The following SFT2D2 variants were observed in gnomAD, a reference collection of about 807,000 sequenced individuals.
SFT2D2 encodes the protein vesicle transport protein SFT2B.
In SFT2D2, 21 loss-of-function variants were observed where a neutral mutation model predicts 27.4. The ratio of observed to expected loss-of-function variants is 0.77; its 90% confidence interval spans 0.54 to 1.10. SFT2D2 has a LOEUF of 1.10. Among genes scored for constraint, SFT2D2 ranks in the 50% least tolerant of loss-of-function variants. The pLI is 0.00. For synonymous variants in SFT2D2, 72 were observed against 71.7 expected (o/e 1.00, Z -0.02); for missense variants, 187 against 194.2 (o/e 0.96, Z 0.22).
chr1:168,231,892 C>T lies in SFT2D2; in HGVS notation c.209C>T (p.Thr70Ile). 4 of 1,614,040 alleles carry T rather than the reference C, an allele frequency of 2.5e-6. No homozygotes were observed. The highest frequency in any genetic ancestry group is 3.4e-6 in the Non-Finnish European group (4 of 1,179,994). The part of the protein sequence containing the change: ...KGLHLFAVFY[T>I]FGNIASIGST... ...CTACACCTCTTCGCAGTGTTTTATA[C>T]CTTTGGTAATATCGCATCAATTGGG... is the stretch of plus-strand genomic sequence containing the variant. Residue 70 changes from threonine to isoleucine, a missense_variant, in exon 3 of 8, where the codon ACC becomes ATC. Physicochemically the swap from Thr to Ile is moderately conservative, Grantham distance 89. Coordinates refer to ENST00000271375, the MANE Select transcript of SFT2D2 (RefSeq NM_199344.3).
chr1:168,238,377 C>T (rs1647560946), intron 6 of SFT2D2, among the ~76,000 whole-genome samples: 2 of 151,606 alleles, frequency 1.3e-5, no homozygotes, highest in African/African-American at 4.9e-5. Flanking sequence ...TCAACTGTGC[C>T]AGGTATGGGT....
rs199565250 is a variant in SFT2D2, at chr1:168,239,164, A to C, written c.443+4A>C. 8.1e-6 allele frequency: 13 copies of C among 1,599,334 alleles called. No individual in the cohort carries two copies. The highest frequency in any genetic ancestry group is 1.1e-5 in the Non-Finnish European group (13 of 1,166,966). ...TTTCCTTCATACCATTTGCAAGGTAAGACTGTGTATTTGGAAATAATGATT... is the reference window on the plus strand; with the variant it reads ...TTTCCTTCATACCATTTGCAAGGTACGACTGTGTATTTGGAAATAATGATT... On this transcript the variant is annotated splice_donor_region_variant and intron_variant, in intron 7 of 7. Coordinates refer to ENST00000271375, the MANE Select transcript of SFT2D2 (RefSeq NM_199344.3).
In SFT2D2 at chr1:168,249,334, C is replaced by G. The variant is rs868152552; in HGVS notation, c.*6794C>G. ...CACTGCAACCTCTGCCTTCTGGGTT[C>G]AAGTGATTCTTGTGCCTCAGCCTCC... On this transcript the variant is annotated 3_prime_UTR_variant, in exon 8 of 8. Transcript: ENST00000271375. 6.6e-6 allele frequency: 1 copy of G among 152,280 alleles called. No homozygotes were observed. The highest frequency in any genetic ancestry group is 2.4e-5 in the African/African-American group (1 of 41,452). The allele number at this position is 152,280 out of a possible 1,614,324, so 9.4% of individuals were successfully genotyped here.
At position 168,248,130 on chromosome 1, in the gene SFT2D2, C is replaced by G. The variant is rs1392395939; in HGVS notation, c.*5590C>G. ...CCATTCTGTAGGTTGCCTGTTCACT[C>G]TGATGATAGTTTCTTTTGCTGTGCA... is the stretch of plus-strand genomic sequence containing the variant. On this transcript the variant is annotated 3_prime_UTR_variant, in exon 8 of 8. Coordinates refer to ENST00000271375, the MANE Select transcript of SFT2D2 (RefSeq NM_199344.3). 1 of 152,196 alleles carries G rather than the reference C, an allele frequency of 6.6e-6. No homozygotes were observed. The highest frequency in any genetic ancestry group is 1.5e-5 in the Non-Finnish European group (1 of 68,034). The allele number at this position is 152,196 out of a possible 1,614,324, so 9.4% of individuals were successfully genotyped here.
rs1647977013 is a variant in SFT2D2, at chr1:168,252,752, TTAAAACATGAATCCATTTTTG to T, written c.*10216_*10236del. ...ATGTTTGAGCTTTTAAAATACGTTG[TTAAAACATGAATCCATTTTTG>T]TAATTGTATAAATACTCATAACTAA... On this transcript the variant is annotated 3_prime_UTR_variant, in exon 8 of 8. Transcript: ENST00000271375. 1.3e-5 allele frequency: 2 copies of T among 152,234 alleles called. No individual in the cohort carries two copies. The highest frequency in any genetic ancestry group is 2.9e-5 in the Non-Finnish European group (2 of 68,048). The allele number at this position is 152,234 out of a possible 1,614,324, so 9.4% of individuals were successfully genotyped here. A position where few individuals can be genotyped will look rare whatever the true frequency, so the allele number is the denominator to read the frequency against.
Position 168,246,374 on chromosome 1 carries a change from G to C in SFT2D2, c.*3834G>C. ...GACATAATCTTACTTGCTTTTCTGTGCATTTTTCTACTTTATCTTGGCCAC... is the reference window on the plus strand; with the variant it reads ...GACATAATCTTACTTGCTTTTCTGTCCATTTTTCTACTTTATCTTGGCCAC... On this transcript the variant is annotated 3_prime_UTR_variant, in exon 8 of 8. Transcript: ENST00000271375. The C allele has an allele frequency of 1.7e-6, 1 of 571,980 alleles. No homozygotes were observed. The highest frequency in any genetic ancestry group is 2.0e-5 in the South Asian group (1 of 50,144). The allele number at this position is 571,980 out of a possible 1,614,324, so 35.4% of individuals were successfully genotyped here.
rs1480481618 is a variant in SFT2D2, at chr1:168,236,758, T to G, written c.401T>G (p.Leu134Trp). Residue 134 changes from leucine (L) to tryptophan (W), a missense_variant, in exon 6 of 8, where the codon TTG becomes TGG. By Grantham distance (61) the Leu-to-Trp change is moderately conservative. Coordinates refer to ENST00000271375, the MANE Select transcript of SFT2D2 (RefSeq NM_199344.3). ...LALIFCILQS[L>W]ALTWYSLSFI... ...CTTATCTTCTGCATTTTGCAGTCTT[T>G]GGCATTGACGTGGTAAGTAACCTTT... 1 of 1,614,234 alleles carries G rather than the reference T, an allele frequency of 6.2e-7. No individual in the cohort carries two copies. The highest frequency in any genetic ancestry group is 1.7e-5 in the Admixed American group (1 of 60,028).
intron 7 of SFT2D2, among the ~76,000 whole-genome samples, chr1:168,240,769 G>A (rs1470977057): frequency 6.6e-6 from 1 of 151,976 alleles, no homozygotes; most frequent in Non-Finnish European, 1.5e-5. Flanking sequence ...AAAATTAACC[G>A]AGCGTGGTGG....
rs1647521647 is a variant in SFT2D2, at chr1:168,236,999, T to C, written c.413+229T>C. On this transcript the variant is annotated intron_variant, in intron 6 of 7. Transcript: ENST00000271375. ...TCTTGAGTGGTCACAGGAGGCTCCT[T>C]GTTTGCCTGCTGTGGCATTTTTGCT... Among the ~76,000 whole-genome samples the C allele has an allele frequency of 2.0e-5, 3 of 152,318 alleles. No individual in the cohort carries two copies. The South Asian group carries it at 6.2e-4, about 32-fold the overall frequency.
intron 1 of SFT2D2, among the ~76,000 whole-genome samples, chr1:168,229,357 T>C (rs1700490421): frequency 6.6e-6 from 1 of 152,224 alleles, no homozygotes; most frequent in South Asian, 2.1e-4. Context: ...GTTGAGGTTA[T>C]TTAGCAATCT....
Position 168,244,023 on chromosome 1 carries a change from G to C in SFT2D2, c.*1483G>C, listed in dbSNP as rs1239438440. 6.6e-6 allele frequency: 1 copy of C among 152,270 alleles called. No homozygotes were observed. The allele number at this position is 152,270 out of a possible 1,614,324, so 9.4% of individuals were successfully genotyped here. Reference sequence around the variant, plus strand: ...CCTACAAATGACGTTTATCTGGATTGCCTTTCTGTTCTTTGCACAGGGCCA... The same window carrying C: ...CCTACAAATGACGTTTATCTGGATTCCCTTTCTGTTCTTTGCACAGGGCCA... On this transcript the variant is annotated 3_prime_UTR_variant, in exon 8 of 8. Transcript: ENST00000271375.
intron 7 of SFT2D2, among the ~76,000 whole-genome samples, chr1:168,241,238 C>A (rs1269440414): frequency 8.9e-6 from 1 of 112,904 alleles, no homozygotes; most frequent in South Asian, 3.0e-4. Context: ...GATGGAGTCT[C>A]ACTCTATGGC....
chr1:168,238,227 T>C (rs959503591), intron 6 of SFT2D2, among the ~76,000 whole-genome samples: 4 of 152,326 alleles, frequency 2.6e-5, no homozygotes, highest in Admixed American at 6.5e-5. Context: ...TTTTCACTCA[T>C]AGAGTAGTTG....
rs1407884103 is a variant in SFT2D2 at position 168,248,282 on chromosome 1, C to T, written c.*5742C>T. 6.6e-6 allele frequency: 1 copy of T among 152,172 alleles called. No individual in the cohort carries two copies. The highest frequency in any genetic ancestry group is 1.5e-5 in the Non-Finnish European group (1 of 68,042). 9.4% of individuals were successfully genotyped at this position (152,172 alleles called of 1,614,324 possible). A position where few individuals can be genotyped will look rare whatever the true frequency, so the allele number is the denominator to read the frequency against. On this transcript the variant is annotated 3_prime_UTR_variant, in exon 8 of 8. Transcript: ENST00000271375. ...TGAATGGTATTGCCTAGGTTTTCTT[C>T]TAGGGTTTTTATGGTTTTGGGTCTT...
chr1:168,226,632 G>T (rs568495109), intron 1 of SFT2D2, among the ~76,000 whole-genome samples: 87 of 152,214 alleles, frequency 5.7e-4, no homozygotes, highest in Non-Finnish European at 9.4e-4. Flanking sequence ...TCCGGTTTAG[G>T]TTGTAGGGTG....
rs1647673781 is a variant in SFT2D2 at position 168,242,390 on chromosome 1, A to T, written c.444-111A>T. 6 of 1,134,550 alleles carry T rather than the reference A, an allele frequency of 5.3e-6. No individual in the cohort carries two copies. The South Asian group carries it at 7.4e-5, about 14-fold the overall frequency. The allele number at this position is 1,134,550 out of a possible 1,614,324, so 70.3% of individuals were successfully genotyped here. A position where few individuals can be genotyped will look rare whatever the true frequency, so the allele number is the denominator to read the frequency against. On this transcript the variant is annotated intron_variant, in intron 7 of 7. Transcript: ENST00000271375. The stretch of plus-strand genomic sequence containing the variant: ...TGCAGTTTGATGCTGTGAAGGTCTG[A>T]TCTTTCAGTCTAGGTGCTTTCTACT...
chr1:168,232,066 A>G (rs1647336204), intron 3 of SFT2D2, 147 bp downstream of exon 3: 3 of 655,236 alleles, frequency 4.6e-6, no homozygotes, highest in Admixed American at 2.7e-5. Context: ...TTCATATCTT[A>G]TTATTTGAAA....
At chr1:168,236,045 T>C (rs1647490175) in intron 4 of SFT2D2, among the ~76,000 whole-genome samples, 1 of 152,220 alleles carries the variant, frequency 6.6e-6, no homozygotes, top group Admixed American at 6.5e-5. Context: ...CTGACTGCTC[T>C]AGCACCAGTT....
intron 7 of SFT2D2, among the ~76,000 whole-genome samples, chr1:168,242,289 C>G (rs954082267): frequency 6.6e-6 from 1 of 152,192 alleles, no homozygotes; most frequent in African/African-American, 2.4e-5. Flanking sequence ...GACATCCCCT[C>G]TTACAGATGA....
Sources: allele counts gnomAD v4.1 joint callset (sites outside exome capture counted in the v4.1 genomes callset), GRCh38; gene constraint gnomAD v4.1.1; transcripts MANE v1.5; gene names NCBI Gene and HGNC (gene_info 2026-07-23, HGNC 2026-07-21).